The following RASA3 variants were observed in gnomAD, a reference collection of about 807,000 sequenced individuals.
The protein encoded by RASA3 is ras GTPase-activating protein 3.
A neutral mutation model predicts 110.0 loss-of-function variants in RASA3; 73 were observed. That is an observed-to-expected ratio of 0.66 (90% CI 0.55 to 0.81). The LOEUF (loss-of-function observed/expected upper bound fraction) is 0.81, where lower values mean the gene tolerates loss of function less well. Ranked by LOEUF, RASA3 falls within the 30% of genes least tolerant of loss-of-function variation. The pLI, the probability that RASA3 is intolerant of heterozygous loss-of-function variation, is 0.00. For missense variants in RASA3, 976 were observed against 1,113.2 expected (o/e 0.88, Z 1.75); for synonymous variants, 500 against 451.4 (o/e 1.11, Z -1.37).
intron 18 of RASA3, among the ~76,000 whole-genome samples, chr13:114,002,499 G>T (rs758792577): frequency 3.9e-5 from 6 of 152,222 alleles, no homozygotes; most frequent in Admixed American, 3.3e-4. Context: ...GGGGGTTGGG[G>T]GGGGACTGGG....
intron 1 of RASA3, among the ~76,000 whole-genome samples, chr13:114,098,934 G>A (rs1202746690): frequency 1.3e-5 from 2 of 151,782 alleles, no homozygotes; most frequent in Non-Finnish European, 2.9e-5. Flanking sequence ...CACTGATGCC[G>A]GACCACAGCA....
chr13:114,126,780 C>T (rs2080456439), intron 1 of RASA3, among the ~76,000 whole-genome samples: 1 of 152,098 alleles, frequency 6.6e-6, no homozygotes, highest in South Asian at 2.1e-4. Context: ...TCCCATTAAT[C>T]TCTGCAAAAG....
At position 114,065,870 on chromosome 13, in the gene RASA3, T is replaced by C. The variant is rs1281840635; in HGVS notation, c.173+7850A>G. 6.6e-6 allele frequency among the ~76,000 whole-genome samples: 1 copy of C among 152,218 alleles called. No individual in the cohort carries two copies. The highest frequency in any genetic ancestry group is 1.5e-5 in the Non-Finnish European group (1 of 68,038). On this transcript the variant is annotated intron_variant, in intron 2 of 23. Transcript: ENST00000334062. The surrounding 1 kb of genome is among the most constrained non-coding windows in gnomAD (Gnocchi z 4.1). ...AGATGGGTGGGGTTATTTTGAAATG[T>C]TGGCAAATAGAGCTGTGAGTCTTCA... is the stretch of plus-strand genomic sequence containing the variant.
chr13:114,091,219 TC>T (rs545796543), intron 1 of RASA3, among the ~76,000 whole-genome samples: 57 of 151,978 alleles, frequency 3.8e-4, no homozygotes, highest in African/African-American at 1.3e-3. Context: ...GCCACATGGG[TC>T]CCCCTCCACT....
At position 114,029,741 on chromosome 13, in the gene RASA3, CCT is replaced by C. The variant is rs1336061424; in HGVS notation, c.449+68_449+69del. 251 of 1,421,066 alleles carry C rather than the reference CCT, an allele frequency of 1.8e-4. No homozygotes were observed. In the African/African-American group the frequency reaches 2.3e-3, roughly 13 times the overall value. 88.0% of individuals were successfully genotyped at this position (1,421,066 alleles called of 1,614,324 possible). A position where few individuals can be genotyped will look rare whatever the true frequency, so the allele number is the denominator to read the frequency against. On this transcript the variant is annotated intron_variant, in intron 5 of 23. Coordinates refer to ENST00000334062, the MANE Select transcript of RASA3 (RefSeq NM_007368.4). ...ATTCTTGTGCGTTGGTGTGAAAACC[CCT>C]GTGTGCTCCTCGGGAGCCAGACATG... is the stretch of plus-strand genomic sequence containing the variant.
chr13:114,037,974 G>A (rs932849438), intron 4 of RASA3, among the ~76,000 whole-genome samples: 4 of 151,910 alleles, frequency 2.6e-5, no homozygotes, highest in African/African-American at 7.3e-5. Context: ...AAGGGAGCAC[G>A]GCCTTCCGTT....
At position 114,096,666 on chromosome 13, in the gene RASA3, T is replaced by C. The variant is rs1004168515; in HGVS notation, c.56-22829A>G. On this transcript the variant is annotated intron_variant, in intron 1 of 23. Transcript: ENST00000334062. The surrounding 1 kb of genome is among the most constrained non-coding windows in gnomAD (Gnocchi z 5.1). ...CCTTCCCTTTCCATTCTCTAAATAC[T>C]GTAGCACCACACTGACTAGCGTGCG... Among the ~76,000 whole-genome samples the C allele has an allele frequency of 1.3e-5, 2 of 152,136 alleles. No individual in the cohort carries two copies. The highest frequency in any genetic ancestry group is 2.9e-5 in the Non-Finnish European group (2 of 68,024).
At chr13:113,991,807 A>C (rs2053120504) in intron 22 of RASA3, among the ~76,000 whole-genome samples, 1 of 152,204 alleles carries the variant, frequency 6.6e-6, no homozygotes, top group Non-Finnish European at 1.5e-5. Context: ...CATGTGCCCA[A>C]AGACATACAT....
Position 114,011,017 on chromosome 13 carries a change from G to A in RASA3, c.1590+154C>T, listed in dbSNP as rs904025145. On this transcript the variant is annotated intron_variant, in intron 16 of 23. Coordinates refer to ENST00000334062, the MANE Select transcript of RASA3 (RefSeq NM_007368.4). The surrounding 1 kb of genome is among the most constrained non-coding windows in gnomAD (Gnocchi z 4.8). ...AGGTGAGCGGGACGGGGACGCTCAG[G>A]TCCTGGGTTTCAAGAGAGGATGTGG... Among the ~76,000 whole-genome samples, 5 of 152,166 alleles carry A rather than the reference G, an allele frequency of 3.3e-5. No homozygotes were observed. Among genetic ancestry groups the A allele is most frequent in the Non-Finnish European group, 7.4e-5 (5 of 68,018 alleles).
rs991906757 is a variant in RASA3, at chr13:113,977,973, C to G, written c.*1374G>C. The G allele has an allele frequency of 3.3e-5, 5 of 152,202 alleles. No homozygotes were observed. The highest frequency in any genetic ancestry group is 1.2e-4 in the African/African-American group (5 of 41,444). The allele number at this position is 152,202 out of a possible 1,614,324, so 9.4% of individuals were successfully genotyped here. The stretch of plus-strand genomic sequence containing the variant: ...CAGTATTTTTGTGACAAGAAAGTTC[C>G]TATCTGCCATCTAGATCAAGAGCCT... On this transcript the variant is annotated 3_prime_UTR_variant, in exon 24 of 24. Coordinates refer to ENST00000334062, the MANE Select transcript of RASA3 (RefSeq NM_007368.4).
chr13:114,076,911 A>C (rs755859157), intron 1 of RASA3, among the ~76,000 whole-genome samples: 5 of 152,132 alleles, frequency 3.3e-5, no homozygotes, highest in African/African-American at 4.8e-5. Flanking sequence ...CCTGACGCTG[A>C]CCATATTTCC....
chr13:114,116,961 CGTGT>C (rs1312331546), intron 1 of RASA3, among the ~76,000 whole-genome samples: 1 of 100,012 alleles, frequency 1.0e-5, no homozygotes, highest in African/African-American at 4.1e-5. Context: ...GAGGGGTGCA[CGTGT>C]GTGAGGGGAG....
chr13:114,055,616 G>A (rs557304196), intron 2 of RASA3, among the ~76,000 whole-genome samples: 1 of 152,178 alleles, frequency 6.6e-6, no homozygotes, highest in Admixed American at 6.5e-5. Context: ...TTTTTACAAC[G>A]ACAAAACGGC....
chr13:114,015,202 C>A lies in RASA3; in HGVS notation c.1405+7G>T, dbSNP rs1238012206. 5.6e-6 allele frequency: 9 copies of A among 1,612,646 alleles called. No homozygotes were observed. The highest frequency in any genetic ancestry group is 1.7e-5 in the Admixed American group (1 of 60,002). ...CTCAGCAACATGAGGGTGTTCAGGG[C>A]ACTCACCCTGGAAGCGCTTGGCCGC... On this transcript the variant is annotated splice_region_variant and intron_variant, in intron 14 of 23. Transcript: ENST00000334062.
chr13:114,131,498 A>C (rs1296664717), intron 1 of RASA3, among the ~76,000 whole-genome samples: 1 of 152,198 alleles, frequency 6.6e-6, no homozygotes, highest in Non-Finnish European at 1.5e-5. Context: ...ATCCCTCCAG[A>C]TAAACCAGAA....
chr13:113,989,803 G>A (rs545731377), intron 22 of RASA3, among the ~76,000 whole-genome samples: 11 of 152,352 alleles, frequency 7.2e-5, no homozygotes, highest in Middle Eastern at 3.4e-3. Flanking sequence ...CAGGTGCTAG[G>A]CACTTCCTCT....
intron 5 of RASA3, among the ~76,000 whole-genome samples, chr13:114,028,314 TCTCTAAAACAGCGTCATC>T (rs2054071626): frequency 6.8e-5 from 2 of 29,410 alleles, no homozygotes; most frequent in South Asian, 1.0e-3. Context: ...GGAGCCAGGA[TCTCTAAAACAGCGTCATC>T]CTGGGGGCCA....
At position 114,011,225 on chromosome 13, in the gene RASA3, C is replaced by T; in HGVS notation, c.1536G>A (p.Leu512=). The stretch of plus-strand genomic sequence containing the variant: ...TCTGAACGGTCTTGGAGATCAATGT[C>T]AGCGTCCTGGACGTCTGGGGGTCCT... ...HHTDPQTSRT[L]TLISKTVQTL... is the part of the protein sequence containing the mutation. Residue 512 remains leucine, a synonymous_variant, in exon 16 of 24, where the codon CTG becomes CTA. Transcript: ENST00000334062. The surrounding 1 kb of genome is among the most constrained non-coding windows in gnomAD (Gnocchi z 4.8). 1 of 1,612,802 alleles carries T rather than the reference C, an allele frequency of 6.2e-7. No homozygotes were observed. Among genetic ancestry groups the T allele is most frequent in the Non-Finnish European group, 8.5e-7 (1 of 1,179,686 alleles).
In RASA3 at chr13:113,979,137, G is replaced by A. The variant is rs2052845805; in HGVS notation, c.*210C>T. 1.2e-5 allele frequency: 7 copies of A among 582,070 alleles called. No individual in the cohort carries two copies. The highest frequency in any genetic ancestry group is 5.7e-5 in the East Asian group (2 of 35,230). The allele number at this position is 582,070 out of a possible 1,614,324, so 36.1% of individuals were successfully genotyped here. The stretch of plus-strand genomic sequence containing the variant: ...AAAGCACAGAATCAAATGACGACAC[G>A]TTCCACAGGGCCAGGTGGGCTTTCT... On this transcript the variant is annotated 3_prime_UTR_variant, in exon 24 of 24. Coordinates refer to ENST00000334062, the MANE Select transcript of RASA3 (RefSeq NM_007368.4).
Sources: allele counts gnomAD v4.1 joint callset (sites outside exome capture counted in the v4.1 genomes callset), GRCh38; gene constraint gnomAD v4.1.1; non-coding constraint Gnocchi (gnomAD v3.1); transcripts MANE v1.5; gene names NCBI Gene and HGNC (gene_info 2026-07-23, HGNC 2026-07-21).